The following PCDHAC1 variants were observed in gnomAD, a reference collection of about 807,000 sequenced individuals.
PCDHAC1 encodes protocadherin alpha-C1.
A neutral mutation model predicts 60.0 loss-of-function variants in PCDHAC1; 42 were observed. That is an observed-to-expected ratio of 0.70 (90% CI 0.55 to 0.90). The LOEUF (loss-of-function observed/expected upper bound fraction) is 0.90, where lower values mean the gene tolerates loss of function less well. Among genes scored for constraint, PCDHAC1 ranks in the 40% least tolerant of loss-of-function variants. The pLI is 0.00. For synonymous variants in PCDHAC1, 468 were observed against 499.3 expected (o/e 0.94, Z 0.84); for missense variants, 1,160 against 1,222.3 (o/e 0.95, Z 0.76).
chr5:140,961,736 T>C (rs1554225571), intron 1 of PCDHAC1, among the ~76,000 whole-genome samples: 1 of 152,178 alleles, frequency 6.6e-6, no homozygotes. Context: ...ACAATCACTT[T>C]AGTAATATTA....
intron 2 of PCDHAC1, among the ~76,000 whole-genome samples, chr5:140,981,515 A>C (rs1554242933): frequency 1.3e-5 from 2 of 152,230 alleles, no homozygotes. Context: ...CAGAGGTTGC[A>C]GTGAGCTGAG....
intron 3 of PCDHAC1, among the ~76,000 whole-genome samples, chr5:140,993,524 A>ACGGG (rs2097569997): frequency 2.0e-5 from 3 of 147,314 alleles, no homozygotes; most frequent in Admixed American, 2.0e-4. Flanking sequence ...AGAGAGAGAC[A>ACGGG]GAGAGAGAGA....
chr5:140,928,458 T>C lies in PCDHAC1; in HGVS notation c.1566T>C (p.His522=), dbSNP rs1030560254. Residue 522 remains histidine, a synonymous_variant, in exon 1 of 4, where the codon CAT becomes CAC. Coordinates refer to ENST00000253807, the MANE Select transcript of PCDHAC1 (RefSeq NM_018898.5). Reference sequence around the variant, plus strand: ...ACTTTGAGCAGCTCAGGGGGTTTCATTTCCAAGTAGAAGGCCGGGATGGTG... The same window carrying C: ...ACTTTGAGCAGCTCAGGGGGTTTCACTTCCAAGTAGAAGGCCGGGATGGTG... The part of the protein sequence containing the change: ...SFDFEQLRGF[H]FQVEGRDGGI... 3.1e-6 allele frequency: 5 copies of C among 1,614,048 alleles called. No homozygotes were observed. In the African/African-American group the frequency reaches 5.3e-5, roughly 17 times the overall value.
chr5:140,983,399 G>C (rs1486206101), intron 3 of PCDHAC1, among the ~76,000 whole-genome samples: 1 of 152,148 alleles, frequency 6.6e-6, no homozygotes, highest in East Asian at 1.9e-4. Context: ...TTTCAGAAAG[G>C]GAAGATTAAG....
At chr5:140,969,935 T>C (rs1490184904) in intron 1 of PCDHAC1, among the ~76,000 whole-genome samples, 2 of 152,222 alleles carry the variant, frequency 1.3e-5, no homozygotes, top group Non-Finnish European at 2.9e-5. Context: ...TTAGACATCA[T>C]ACTGAAGCTA....
intron 1 of PCDHAC1, among the ~76,000 whole-genome samples, chr5:140,949,542 T>G (rs1418281515): frequency 6.6e-6 from 1 of 151,916 alleles, no homozygotes; most frequent in East Asian, 1.9e-4. Context: ...AATATCGATT[T>G]GTTGCTGGTC....
At chr5:140,976,523 C>T in intron 1 of PCDHAC1, among the ~76,000 whole-genome samples, 1 of 151,724 alleles carries the variant, frequency 6.6e-6, no homozygotes. Flanking sequence ...TGCACACCAG[C>T]CTAAATGACA....
chr5:141,008,300 C>G (rs1272725012), intron 3 of PCDHAC1, among the ~76,000 whole-genome samples: 3 of 152,162 alleles, frequency 2.0e-5, no homozygotes, highest in African/African-American at 7.2e-5. Context: ...GTACCCAACC[C>G]TAAACTGTAA....
intron 1 of PCDHAC1, among the ~76,000 whole-genome samples, chr5:140,958,063 A>G (rs2095406851): frequency 6.6e-6 from 1 of 152,118 alleles, no homozygotes; most frequent in Non-Finnish European, 1.5e-5. Flanking sequence ...GAGAGAAAAA[A>G]CACAGAAGCA....
chr5:141,004,604 C>A (rs1282201587), intron 3 of PCDHAC1, among the ~76,000 whole-genome samples: 1 of 152,176 alleles, frequency 6.6e-6, no homozygotes, highest in African/African-American at 2.4e-5. Context: ...GTGCTTAGGC[C>A]TCATGCAGAG....
intron 3 of PCDHAC1, among the ~76,000 whole-genome samples, chr5:140,986,473 CA>C (rs1217616254): frequency 6.6e-6 from 1 of 152,192 alleles, no homozygotes; most frequent in Non-Finnish European, 1.5e-5. Context: ...CTCTTGTGAT[CA>C]GTTCCTAGGG....
At position 141,010,202 on chromosome 5, in the gene PCDHAC1, GC is replaced by G. The variant is rs1308553255; in HGVS notation, c.*267del. 6.4e-7 allele frequency: 1 copy of G among 1,551,944 alleles called. No individual in the cohort carries two copies. The highest frequency in any genetic ancestry group is 8.7e-7 in the Non-Finnish European group (1 of 1,147,050). The stretch of plus-strand genomic sequence containing the variant: ...CAGACCCAAGTTTCCTTTCTCCTCC[GC>G]CGCAAAGGAGAGGCTTCCCAGCCCC... On this transcript the variant is annotated 3_prime_UTR_variant, in exon 4 of 4. Transcript: ENST00000253807.
rs138821024 is a variant in PCDHAC1, at chr5:140,968,111, C to T, written c.2434-10838C>T. ...AGCCACAGATGGGGGAATACCGCAG[C>T]TCACATCCCTGCGTACACTGAAGGT... On this transcript the variant is annotated intron_variant, in intron 1 of 3. Transcript: ENST00000253807. 533 of 1,614,062 alleles carry T rather than the reference C, an allele frequency of 3.3e-4. 1 individual carries two copies. The highest frequency in any genetic ancestry group is 4.1e-4 in the Non-Finnish European group (489 of 1,180,052).
intron 1 of PCDHAC1, among the ~76,000 whole-genome samples, chr5:140,959,250 G>A (rs2095476529): frequency 6.6e-6 from 1 of 152,030 alleles, no homozygotes. Context: ...GATAGTGCAT[G>A]ACTGTAGTCC....
chr5:140,990,427 AC>A (rs1488981685), intron 3 of PCDHAC1, among the ~76,000 whole-genome samples: 5 of 152,174 alleles, frequency 3.3e-5, no homozygotes, highest in African/African-American at 1.2e-4. Flanking sequence ...ACCAGCATTG[AC>A]CCAATCTTGT....
chr5:140,963,856 C>T lies in PCDHAC1; in HGVS notation c.2434-15093C>T, dbSNP rs76429225. 1.1e-4 allele frequency among the ~76,000 whole-genome samples: 16 copies of T among 152,242 alleles called. No individual in the cohort carries two copies. The East Asian group carries it at 2.5e-3, about 24-fold the overall frequency. On this transcript the variant is annotated intron_variant, in intron 1 of 3. Coordinates refer to ENST00000253807, the MANE Select transcript of PCDHAC1 (RefSeq NM_018898.5). ...TTTCTCATGTAATCATAATAATAAC[C>T]GTATGAGTTTTGCTTACTATTGTTT... is the stretch of plus-strand genomic sequence containing the variant.
chr5:140,938,753 T>G (rs1381426227), intron 1 of PCDHAC1, among the ~76,000 whole-genome samples: 3 of 152,170 alleles, frequency 2.0e-5, no homozygotes, highest in Admixed American at 1.3e-4. Flanking sequence ...TTTAAAGGCA[T>G]AGTTATTGGG....
intron 1 of PCDHAC1, among the ~76,000 whole-genome samples, chr5:140,954,634 T>C (rs1366737169): frequency 6.6e-6 from 1 of 152,210 alleles, no homozygotes; most frequent in Admixed American, 6.5e-5. Flanking sequence ...GTTTTTCTTG[T>C]AAATTTGTTT....
At chr5:140,968,419 T>C (rs372766707) in intron 1 of PCDHAC1, 37 of 1,613,898 alleles carry the variant, frequency 2.3e-5, no homozygotes, top group Non-Finnish European at 3.0e-5. Context: ...CTGTGGAGGC[T>C]CAGGACAAGG....
Sources: allele counts gnomAD v4.1 joint callset (sites outside exome capture counted in the v4.1 genomes callset), GRCh38; gene constraint gnomAD v4.1.1; transcripts MANE v1.5; gene names NCBI Gene and HGNC (gene_info 2026-07-23, HGNC 2026-07-21).